AHDC1: variants seen among roughly 807,000 people sequenced by gnomAD.
The protein encoded by AHDC1 is AT-hook DNA binding motif containing 1.
A neutral mutation model predicts 87.9 loss-of-function variants in AHDC1; 7 were observed. The observed-to-expected ratio is 0.08, with a 90% CI of 0.05 to 0.15. The LOEUF (loss-of-function observed/expected upper bound fraction) is 0.15. AHDC1 is among the 10% of genes least tolerant of loss of function. The pLI, the probability that AHDC1 is intolerant of heterozygous loss-of-function variation, is 1.00. For missense variants in AHDC1, 1,841 were observed against 2,253.2 expected (o/e 0.82, Z 3.70); for synonymous variants, 1,051 against 1,006.8 (o/e 1.04, Z -0.83).
intron 3 of AHDC1, among the ~76,000 whole-genome samples, chr1:27,570,285 TCC>T (rs1173492387): frequency 6.6e-6 from 1 of 151,688 alleles, no homozygotes; most frequent in Non-Finnish European, 1.5e-5. Context: ...CGTTGCAAAC[TCC>T]CCCTTGAGCT....
chr1:27,567,136 ACC>A (rs949555138), intron 3 of AHDC1, among the ~76,000 whole-genome samples: 1 of 151,306 alleles, frequency 6.6e-6, no homozygotes, highest in Non-Finnish European at 1.5e-5. Flanking sequence ...GGCCCTGGGG[ACC>A]CTCCTCCTCT....
chr1:27,541,582 G>A (rs949597706), intron 8 of AHDC1, among the ~76,000 whole-genome samples: 7 of 150,820 alleles, frequency 4.6e-5, no homozygotes, highest in African/African-American at 1.7e-4. Context: ...GCCTCTGAAA[G>A]TGCTGGAATT....
chr1:27,541,318 T>C (rs1428915757), intron 8 of AHDC1, among the ~76,000 whole-genome samples: 1 of 152,154 alleles, frequency 6.6e-6, no homozygotes, highest in Non-Finnish European at 1.5e-5. Context: ...ATTTTTATTT[T>C]TTATTTTTTA....
At position 27,549,266 on chromosome 1, in the gene AHDC1, C is replaced by T. The variant is rs151218177; in HGVS notation, c.2850G>A (p.Pro950=). 1.0e-4 allele frequency: 167 copies of T among 1,602,776 alleles called. 1 individual carries two copies. The highest frequency in any genetic ancestry group is 4.7e-4 in the Admixed American group (28 of 59,596). The change falls in exon 8 of 9, where the codon CCG becomes CCA. Residue 950 remains proline (P), a synonymous_variant. Coordinates refer to ENST00000673934, the MANE Select transcript of AHDC1 (RefSeq NM_001371928.1). ...TAGGTGAGCGGGCCATGGCTGAGGG[C>T]GGGGGCACCAGCTTGGGGAAGGTCT... ...AAETFPKLVP[P]PSAMARSPTT... is the part of the protein sequence containing the mutation.
intron 8 of AHDC1, among the ~76,000 whole-genome samples, chr1:27,540,630 G>A (rs2018861550): frequency 1.3e-5 from 2 of 152,162 alleles, no homozygotes; most frequent in South Asian, 4.2e-4. Context: ...TGAAAGATAG[G>A]AACTGACAGG....
chr1:27,582,512 C>G (rs904146983), intron 3 of AHDC1, among the ~76,000 whole-genome samples: 3 of 152,238 alleles, frequency 2.0e-5, no homozygotes, highest in Non-Finnish European at 2.9e-5. Context: ...CATTTTCCTC[C>G]TTGGTACATA....
intron 8 of AHDC1, among the ~76,000 whole-genome samples, chr1:27,539,929 C>T (rs377184802): frequency 5.9e-5 from 9 of 152,066 alleles, no homozygotes; most frequent in African/African-American, 2.2e-4. Flanking sequence ...ACATTCCTTA[C>T]CTGTCCTGGG....
chr1:27,602,237 A>C (rs2089548981), intron 3 of AHDC1, among the ~76,000 whole-genome samples: 1 of 150,138 alleles, frequency 6.7e-6, no homozygotes. Flanking sequence ...CCTGGCCCCC[A>C]GGGTCTGCGG....
intron 3 of AHDC1, among the ~76,000 whole-genome samples, chr1:27,596,341 G>A (rs774261773): frequency 6.6e-6 from 1 of 152,138 alleles, no homozygotes; most frequent in Non-Finnish European, 1.5e-5. Context: ...GGGCAGCACT[G>A]CGTTTGAAGA....
chr1:27,604,188 G>A (rs1022909682), upstream of AHDC1: 7 of 152,216 alleles, frequency 4.6e-5, no homozygotes, highest in Non-Finnish European at 7.4e-5. Flanking sequence ...GGAACCCCAG[G>A]GGGGAGCGCG....
Position 27,550,256 on chromosome 1 carries a change from G to A in AHDC1, c.1860C>T (p.Ala620=), listed in dbSNP as rs745769445. ...CGCACTGGCTCTGGCGGTTCAGGAA[G>A]GCCAGCTTGGCCAGGACGTCTGAGT... ...AEYSDVLAKL[A]FLNRQSQCAG... is the part of the protein sequence containing the mutation. The change falls in exon 8 of 9, where the codon GCC becomes GCT. Residue 620 remains alanine, a synonymous_variant. Transcript: ENST00000673934. 6 of 1,613,798 alleles carry A rather than the reference G, an allele frequency of 3.7e-6. No homozygotes were observed. The highest frequency in any genetic ancestry group is 1.3e-5 in the African/African-American group (1 of 74,934).
At chr1:27,575,439 C>A (rs1483209187) in intron 3 of AHDC1, among the ~76,000 whole-genome samples, 2 of 152,148 alleles carry the variant, frequency 1.3e-5, no homozygotes, top group Non-Finnish European at 2.9e-5. Flanking sequence ...TCCACTCCCG[C>A]AGTCTGGGGC....
At chr1:27,540,488 T>C (rs6675624) in intron 8 of AHDC1, among the ~76,000 whole-genome samples, 5,802 of 151,552 alleles carry the variant, frequency 0.038, 358 homozygotes, top group African/African-American at 0.13. Flanking sequence ...GATGAGTAAT[T>C]GCCCTAAAGG....
At chr1:27,566,685 G>C (rs1459263581) in intron 3 of AHDC1, among the ~76,000 whole-genome samples, 1 of 138,942 alleles carries the variant, frequency 7.2e-6, no homozygotes. Flanking sequence ...GGGGGTGGAG[G>C]AGGAGGAGGA....
At chr1:27,592,442 G>C (rs969784700) in intron 3 of AHDC1, among the ~76,000 whole-genome samples, 1 of 152,196 alleles carries the variant, frequency 6.6e-6, no homozygotes, top group African/African-American at 2.4e-5. Flanking sequence ...AGGAGATGGG[G>C]AGGAGAAGAC....
In AHDC1 at chr1:27,548,440, G is replaced by C; in HGVS notation, c.3676C>G (p.Gln1226Glu). 2 of 1,613,632 alleles carry C rather than the reference G, an allele frequency of 1.2e-6. No homozygotes were observed. Among genetic ancestry groups the C allele is most frequent in the Non-Finnish European group, 1.7e-6 (2 of 1,179,806 alleles). ...CCACGGCCCGGCTTGGAGCTACTCT[G>C]AAAGAGGACACTCTGGTTCCAGTTG... Reference protein sequence around the residue: ...GYNWNQSVLFQSSSKPGRGRR... With the variant: ...GYNWNQSVLFESSSKPGRGRR... The change falls in exon 8 of 9, where the codon CAG (glutamine) becomes GAG (glutamate). Residue 1226 changes from glutamine to glutamate, a missense_variant. By Grantham distance (29) the Gln-to-Glu change is conservative (BLOSUM62 2). Around this residue, in one of 13 missense-constraint regions of AHDC1, gnomAD observed 505 missense variants for 626.2 expected, o/e 0.81. Coordinates refer to ENST00000673934, the MANE Select transcript of AHDC1 (RefSeq NM_001371928.1).
At chr1:27,539,474 C>CTTGCTCTG (rs1436313012) in intron 8 of AHDC1, among the ~76,000 whole-genome samples, 1 of 151,302 alleles carries the variant, frequency 6.6e-6, no homozygotes, top group African/African-American at 2.4e-5. Context: ...GAGATGGAGT[C>CTTGCTCTG]TTGCTCTGTT....
Position 27,547,334 on chromosome 1 carries a change from G to A in AHDC1, c.4782C>T (p.Pro1594=), listed in dbSNP as rs61742782. The change falls in exon 8 of 9, where the codon CCC becomes CCT. Residue 1594 remains proline, a synonymous_variant. Transcript: ENST00000673934. This position sits in a 1 kb window ranked among gnomAD's most constrained non-coding sequence, Gnocchi z 4.9. ...GFLGPMAEPH[P]EDTFTVTSL is the part of the protein sequence containing the mutation. ...GGGATGTGACGGTGAATGTGTCCTC[G>A]GGGTGAGGTTCCGCCATGGGCCCCA... 9,310 of 1,552,134 alleles carry A rather than the reference G, an allele frequency of 6.0e-3. 45 individuals carry two copies. Among genetic ancestry groups the A allele is most frequent in the Non-Finnish European group, 6.8e-3 (7,837 of 1,152,354 alleles).
intron 8 of AHDC1, among the ~76,000 whole-genome samples, chr1:27,536,793 G>A (rs1360080212): frequency 1.3e-5 from 2 of 152,072 alleles, no homozygotes; most frequent in Non-Finnish European, 2.9e-5. Context: ...TCCAACGCCA[G>A]CCTCCCCTGC....
Sources: gnomAD v4.1 joint callset for allele counts (sites outside exome capture counted in the v4.1 genomes callset) on GRCh38, gnomAD v4.1.1 for gene constraint, gnomAD v4.1.1 regional missense constraint, Gnocchi (gnomAD v3.1) non-coding constraint, MANE v1.5 for transcripts, NCBI Gene and HGNC (gene_info 2026-07-23, HGNC 2026-07-21) for gene names.